CYB5R3: variants seen among roughly 807,000 people sequenced by gnomAD.
The protein encoded by CYB5R3 is cytochrome b5 reductase 3, also known as NADH-cytochrome b5 reductase 3.
In CYB5R3, 28 loss-of-function variants were observed where a neutral mutation model predicts 36.5. The ratio of observed to expected loss-of-function variants is 0.77; its 90% CI spans 0.57 to 1.05. CYB5R3 has a LOEUF of 1.05. CYB5R3 is among the 50% of genes least tolerant of loss of function. CYB5R3 has a pLI of 0.00. For missense variants in CYB5R3, 474 were observed against 408.9 expected (o/e 1.16, Z -1.37); for synonymous variants, 181 against 159.8 (o/e 1.13, Z -1.00).
At chr22:42,629,992 G>T (rs1278231116) in intron 4 of CYB5R3, among the ~76,000 whole-genome samples, 3 of 152,084 alleles carry the variant, frequency 2.0e-5, no homozygotes, top group Non-Finnish European at 4.4e-5. Flanking sequence ...TAGAGACGGG[G>T]TTTCTCCATG....
chr22:42,619,663 A>T lies in CYB5R3; in HGVS notation c.*110T>A, dbSNP rs912790326. The T allele has an allele frequency of 1.9e-6, 2 of 1,057,154 alleles. No individual in the cohort carries two copies. The highest frequency in any genetic ancestry group is 2.7e-6 in the Non-Finnish European group (2 of 732,998). 65.5% of individuals were successfully genotyped at this position (1,057,154 alleles called of 1,614,324 possible). On this transcript the variant is annotated 3_prime_UTR_variant, in exon 9 of 9. Coordinates refer to ENST00000352397, the MANE Select transcript of CYB5R3 (RefSeq NM_000398.7). ...CCAGGTGATTCACCAGGGCACGGGC[A>T]GGCCAGGCTGAACCCGGGGCCCCAG...
At position 42,619,485 on chromosome 22, in the gene CYB5R3, G is replaced by T. The variant is rs912853066; in HGVS notation, c.*288C>A. 5.1e-5 allele frequency: 24 copies of T among 467,798 alleles called. No homozygotes were observed. The highest frequency in any genetic ancestry group is 8.9e-5 in the Non-Finnish European group (23 of 257,542). The allele number at this position is 467,798 out of a possible 1,614,324, so 29.0% of individuals were successfully genotyped here. A position where few individuals can be genotyped will look rare whatever the true frequency, so the allele number is the denominator to read the frequency against. On this transcript the variant is annotated 3_prime_UTR_variant, in exon 9 of 9. Transcript: ENST00000352397. ...CAGCCCTCAGCCTTATAGTGTGTGT[G>T]GGGGGTGGACGAGGGGTCATGAGGA...
chr22:42,629,785 G>A (rs919155545), intron 4 of CYB5R3, among the ~76,000 whole-genome samples: 3 of 152,162 alleles, frequency 2.0e-5, no homozygotes, highest in Non-Finnish European at 4.4e-5. Flanking sequence ...CTCACCCTCT[G>A]TTCTGCAGGA....
intron 1 of CYB5R3, among the ~76,000 whole-genome samples, chr22:42,640,881 C>T (rs1189322256): frequency 3.3e-5 from 5 of 151,630 alleles, no homozygotes; most frequent in South Asian, 2.1e-4. Context: ...TTTTTTGAGA[C>T]GGAGTCTTGC....
In CYB5R3 at chr22:42,623,937, C is replaced by G. The variant is rs190674868; in HGVS notation, c.634-49G>C. On this transcript the variant is annotated intron_variant, in intron 7 of 8. Coordinates refer to ENST00000352397, the MANE Select transcript of CYB5R3 (RefSeq NM_000398.7). ...TCAGGAAGGATGGGTGGCAGACTGC[C>G]CCTGGAGACACTCAACAGAGACGCG... The G allele has an allele frequency of 2.1e-3, 3,181 of 1,517,926 alleles. 48 individuals carry two copies. Among genetic ancestry groups the G allele is most frequent in the Non-Finnish European group, 7.3e-4 (802 of 1,093,892 alleles). 94.0% of individuals were successfully genotyped at this position (1,517,926 alleles called of 1,614,324 possible).
intron 1 of CYB5R3, among the ~76,000 whole-genome samples, chr22:42,639,582 C>A (rs527965799): frequency 5.5e-4 from 84 of 151,560 alleles, no homozygotes; most frequent in African/African-American, 2.0e-3. Flanking sequence ...GAGCCGAGAT[C>A]ATGCCACTGG....
chr22:42,629,237 G>A (rs77088928), intron 4 of CYB5R3, among the ~76,000 whole-genome samples: 1,915 of 152,202 alleles, frequency 0.013, 40 homozygotes, highest in African/African-American at 0.043. Context: ...CCAAGGCCCC[G>A]TCTGGCCCCA....
At chr22:42,627,267 T>C in intron 7 of CYB5R3, 37 bp downstream of exon 7, 1 of 1,577,730 alleles carries the variant, frequency 6.3e-7, no homozygotes, top group Non-Finnish European at 8.7e-7. Flanking sequence ...CCTCTCAGGG[T>C]AAGCTGAGTT....
intron 1 of CYB5R3, 131 bp downstream of exon 1, chr22:42,649,164 G>A: frequency 3.7e-6 from 1 of 271,180 alleles, no homozygotes; most frequent in Non-Finnish European, 5.9e-6. Context: ...CGGCGGGCTG[G>A]GCGGGCGAAG....
chr22:42,635,221 G>A (rs917133183), intron 2 of CYB5R3, among the ~76,000 whole-genome samples: 1 of 151,990 alleles, frequency 6.6e-6, no homozygotes, highest in Non-Finnish European at 1.5e-5. Context: ...GCCTGTCTCA[G>A]CCTCCCAAAG....
chr22:42,623,026 G>A (rs1404832740), intron 8 of CYB5R3, among the ~76,000 whole-genome samples: 3 of 152,222 alleles, frequency 2.0e-5, no homozygotes, highest in South Asian at 2.1e-4. Flanking sequence ...TGTGTCCTCC[G>A]GACCAGGCAG....
chr22:42,630,845 C>G (rs1227565339), intron 4 of CYB5R3, 37 bp downstream of exon 4: 2 of 1,562,636 alleles, frequency 1.3e-6, no homozygotes, highest in Admixed American at 1.8e-5. Context: ...GGCCACCCAC[C>G]CACACCCCCT....
chr22:42,621,000 T>C (rs755870170), intron 8 of CYB5R3, among the ~76,000 whole-genome samples: 1 of 152,178 alleles, frequency 6.6e-6, no homozygotes, highest in Non-Finnish European at 1.5e-5. Context: ...ACCAGATGAG[T>C]CTTTGTAAGC....
chr22:42,627,423 G>T, intron 6 of CYB5R3, 34 bp from the exon 7 acceptor site: 1 of 1,604,798 alleles, frequency 6.2e-7, no homozygotes, highest in South Asian at 1.1e-5. Context: ...CGCACGTGCT[G>T]AGCGAGGCCT....
At chr22:42,646,108 A>T (rs1019554050) in intron 1 of CYB5R3, among the ~76,000 whole-genome samples, 5 of 152,088 alleles carry the variant, frequency 3.3e-5, no homozygotes, top group Non-Finnish European at 7.4e-5. Context: ...CGTCCACAGC[A>T]CCACCCCAAC....
intron 2 of CYB5R3, among the ~76,000 whole-genome samples, chr22:42,634,620 T>TACTG (rs1893790526): frequency 1.4e-5 from 2 of 143,680 alleles, no homozygotes. Flanking sequence ...CTAATTTTCA[T>TACTG]ATTGATTGAT....
Position 42,636,702 on chromosome 22 carries a change from G to C in CYB5R3, c.153+13C>G. The C allele has an allele frequency of 6.2e-7, 1 of 1,609,678 alleles. No homozygotes were observed. The highest frequency in any genetic ancestry group is 1.1e-5 in the South Asian group (1 of 90,938). Reference sequence around the variant, plus strand: ...GTGATGCTGACGAGGCAGCGGCGGCGGCCGGCACTCACCTCCCGGTCGATG... The same window carrying C: ...GTGATGCTGACGAGGCAGCGGCGGCCGCCGGCACTCACCTCCCGGTCGATG... On this transcript the variant is annotated intron_variant, in intron 2 of 8. Transcript: ENST00000352397.
At chr22:42,639,978 A>G (rs1312119812) in intron 1 of CYB5R3, 5 of 1,611,556 alleles carry the variant, frequency 3.1e-6, no homozygotes, top group East Asian at 4.5e-5. Flanking sequence ...CATTCTAGCC[A>G]ATGATGCCAC....
intron 1 of CYB5R3, chr22:42,646,653 T>A: frequency 1.0e-6 from 1 of 985,644 alleles, no homozygotes; most frequent in Non-Finnish European, 1.2e-6. Context: ...GTCCCCTGCC[T>A]GCCCGCCAGC....
Sources: allele counts gnomAD v4.1 joint callset (sites outside exome capture counted in the v4.1 genomes callset), GRCh38; gene constraint gnomAD v4.1.1; transcripts MANE v1.5; gene names NCBI Gene and HGNC (gene_info 2026-07-23, HGNC 2026-07-21).